Variants in BNC1 observed in about 807,000 individuals in gnomAD.
The protein encoded by BNC1 is basonuclin zinc finger protein 1, also known as zinc finger protein basonuclin-1.
Under a neutral mutation model 66.5 loss-of-function variants are expected in BNC1, and 8 were observed. The observed-to-expected ratio is 0.12, with a 90% CI of 0.07 to 0.22. The LOEUF (loss-of-function observed/expected upper bound fraction) is 0.22. Ranked by LOEUF, BNC1 falls within the 10% of genes least tolerant of loss-of-function variation. The pLI is 1.00. For missense variants in BNC1, 1,069 were observed against 1,241.3 expected (o/e 0.86, Z 2.09); for synonymous variants, 454 against 452.6 (o/e 1.00, Z -0.04).
In BNC1 at chr15:83,256,587, AAC is replaced by A. The variant is rs1162260893; in HGVS notation, c.*853_*854del. 1 of 152,284 alleles carries A rather than the reference AAC, an allele frequency of 6.6e-6. No homozygotes were observed. The highest frequency in any genetic ancestry group is 1.9e-4 in the East Asian group (1 of 5,196). The allele number at this position is 152,284 out of a possible 1,614,324, so 9.4% of individuals were successfully genotyped here. A position where few individuals can be genotyped will look rare whatever the true frequency, so the allele number is the denominator to read the frequency against. On this transcript the variant is annotated 3_prime_UTR_variant, in exon 5 of 5. Transcript: ENST00000345382. ...ATTCATTCCACAGGTGACCAAAAAGAACAGAGTTTGAAGTTCACCAAATGAAA... is the reference window on the plus strand; with the variant it reads ...ATTCATTCCACAGGTGACCAAAAAGAAGAGTTTGAAGTTCACCAAATGAAA...
At chr15:83,268,290 T>C (rs943083459) in intron 1 of BNC1, 58 bp from the exon 2 acceptor site, 65 of 1,446,526 alleles carry the variant, frequency 4.5e-5, no homozygotes, top group African/African-American at 2.7e-4. Flanking sequence ...GAAACATTCA[T>C]TGTATTTCAA....
chr15:83,284,606 C>A lies in BNC1; in HGVS notation c.23G>T (p.Arg8Leu). 2 of 1,008,670 alleles carry A rather than the reference C, an allele frequency of 2.0e-6. No individual in the cohort carries two copies. Among genetic ancestry groups the A allele is most frequent in the Non-Finnish European group, 2.4e-6 (2 of 847,142 alleles). The allele number at this position is 1,008,670 out of a possible 1,614,324, so 62.5% of individuals were successfully genotyped here. A position where few individuals can be genotyped will look rare whatever the true frequency, so the allele number is the denominator to read the frequency against. MRRRPPS[R>L]GGRGAARARE... ...GGCCCGGGCCGCCCCGCGTCCGCCCCGGCTCGGCGGGCGCCGCCGCATCCA... is the reference window on the plus strand; with the variant it reads ...GGCCCGGGCCGCCCCGCGTCCGCCCAGGCTCGGCGGGCGCCGCCGCATCCA... The change falls in exon 1 of 5, where the codon CGG becomes CTG. Residue 8 changes from arginine (R) to leucine (L), a missense_variant. Arg to Leu is a moderately radical substitution (Grantham distance 102). Around this residue, in one of 7 missense-constraint regions of BNC1, gnomAD observed 78 missense variants for 80.9 expected, o/e 0.96. Coordinates refer to ENST00000345382, the MANE Select transcript of BNC1 (RefSeq NM_001717.4).
intron 1 of BNC1, among the ~76,000 whole-genome samples, chr15:83,272,758 G>A (rs748986001): frequency 6.6e-6 from 1 of 152,274 alleles, no homozygotes; most frequent in Non-Finnish European, 1.5e-5. Flanking sequence ...ACATTTCATA[G>A]ATTAATACTG....
At chr15:83,265,881 T>TA (rs1472483138) in intron 3 of BNC1, among the ~76,000 whole-genome samples, 1 of 152,190 alleles carries the variant, frequency 6.6e-6, no homozygotes, top group African/African-American at 2.4e-5. Context: ...AAATTGTTTT[T>TA]AGTGTTCATT....
At position 83,263,963 on chromosome 15, in the gene BNC1, G is replaced by C. The variant is rs1306544834; in HGVS notation, c.1288C>G (p.Leu430Val). Residue 430 changes from leucine (L) to valine (V), a missense_variant, in exon 4 of 5, where the codon CTG becomes GTG. Physicochemically the swap from Leu to Val is conservative, Grantham distance 32. Transcript: ENST00000345382. Reference protein sequence around the residue: ...NNRDKDLRNSLNLASSENYKC... With the variant: ...NNRDKDLRNSVNLASSENYKC... ...TAGTTCTCAGAGCTGGCCAGGTTCA[G>C]GCTGTTCCTGAGGTCTTTGTCCCGG... 1.2e-6 allele frequency: 2 copies of C among 1,614,206 alleles called. No homozygotes were observed. Among genetic ancestry groups the C allele is most frequent in the Admixed American group, 1.7e-5 (1 of 60,024 alleles).
rs1399642616 is a variant in BNC1 at position 83,257,906 on chromosome 15, T to G, written c.2521A>C (p.Ser841Arg). The change falls in exon 5 of 5, where the codon AGC becomes CGC. Residue 841 changes from serine (S) to arginine (R), a missense_variant. This residue lies in a region of BNC1 where 657 missense variants were observed against 715.8 expected (regional missense o/e 0.92). Coordinates refer to ENST00000345382, the MANE Select transcript of BNC1 (RefSeq NM_001717.4). The part of the protein sequence containing the change: ...VYPITQVHSA[S>R]LESYNSGPLS... ...GGGCCAGAGTTGTAGCTCTCCAGGCTGGCACTGTGGACTTGCGTTATTGGG... is the reference window on the plus strand; with the variant it reads ...GGGCCAGAGTTGTAGCTCTCCAGGCGGGCACTGTGGACTTGCGTTATTGGG... The G allele has an allele frequency of 6.2e-7, 1 of 1,614,212 alleles. No individual in the cohort carries two copies. Among genetic ancestry groups the G allele is most frequent in the Admixed American group, 1.7e-5 (1 of 60,028 alleles).
rs541650843 is a variant in BNC1 at position 83,256,836 on chromosome 15, G to C, written c.*606C>G. 1 of 152,214 alleles carries C rather than the reference G, an allele frequency of 6.6e-6. No individual in the cohort carries two copies. The highest frequency in any genetic ancestry group is 2.4e-5 in the African/African-American group (1 of 41,426). The allele number at this position is 152,214 out of a possible 1,614,324, so 9.4% of individuals were successfully genotyped here. A position where few individuals can be genotyped will look rare whatever the true frequency, so the allele number is the denominator to read the frequency against. The stretch of plus-strand genomic sequence containing the variant: ...ATGTTACAGAACAAGAATTAACAAG[G>C]AACATGTTAGAGGCCAACCCAATCC... On this transcript the variant is annotated 3_prime_UTR_variant, in exon 5 of 5. Transcript: ENST00000345382.
intron 1 of BNC1, among the ~76,000 whole-genome samples, chr15:83,276,967 T>C (rs2038329121): frequency 6.6e-6 from 1 of 152,204 alleles, no homozygotes; most frequent in Admixed American, 6.5e-5. Context: ...TCTAAGGCTA[T>C]GCCAGATTCT....
intron 1 of BNC1, among the ~76,000 whole-genome samples, chr15:83,284,278 C>T (rs912910996): frequency 1.1e-4 from 17 of 152,074 alleles, no homozygotes; most frequent in African/African-American, 3.9e-4. Flanking sequence ...AGATCCGGCG[C>T]GGAGACCGTT....
intron 4 of BNC1, among the ~76,000 whole-genome samples, chr15:83,258,599 A>C: frequency 6.6e-6 from 1 of 152,202 alleles, no homozygotes; most frequent in East Asian, 1.9e-4. Context: ...CAGAATGACT[A>C]GACTAAATCA....
Position 83,257,530 on chromosome 15 carries a change from A to T in BNC1, c.2897T>A (p.Met966Lys), listed in dbSNP as rs748491453. The T allele has an allele frequency of 6.2e-7, 1 of 1,614,032 alleles. No homozygotes were observed. Among genetic ancestry groups the T allele is most frequent in the African/African-American group, 1.3e-5 (1 of 74,916 alleles). The change falls in exon 5 of 5, where the codon ATG becomes AAG. Residue 966 changes from methionine to lysine, a missense_variant. Met to Lys is a moderately conservative substitution (Grantham distance 95). Around this residue, in one of 7 missense-constraint regions of BNC1, gnomAD observed 657 missense variants for 715.8 expected, o/e 0.92. Coordinates refer to ENST00000345382, the MANE Select transcript of BNC1 (RefSeq NM_001717.4). ...HKCKVPGCNT[M>K]FSSVRSRNRH... ...GTTTCGACTGCGAACAGACGAAAAC[A>T]TGGTGTTGCAGCCTGGTACTTTGCA... is the stretch of plus-strand genomic sequence containing the variant.
In BNC1 at chr15:83,257,802, G is replaced by A; in HGVS notation, c.2625C>T (p.Asp875=). 2 of 1,614,160 alleles carry A rather than the reference G, an allele frequency of 1.2e-6. No homozygotes were observed. The change falls in exon 5 of 5, where the codon GAC becomes GAT. Residue 875 remains aspartate, a synonymous_variant. Coordinates refer to ENST00000345382, the MANE Select transcript of BNC1 (RefSeq NM_001717.4). ...KSESSSHSSW[D]SDGVSEEGTV... ...TGCCTTCCTCACTCACCCCGTCAGAGTCCCAGGAAGAATGGCTGCTACTCT... is the reference window on the plus strand; with the variant it reads ...TGCCTTCCTCACTCACCCCGTCAGAATCCCAGGAAGAATGGCTGCTACTCT...
At chr15:83,262,045 G>GTTTTTT (rs5814139) in intron 4 of BNC1, among the ~76,000 whole-genome samples, 5 of 110,534 alleles carry the variant, frequency 4.5e-5, no homozygotes, top group Non-Finnish European at 7.1e-5. Flanking sequence ...ACTAGTTCAT[G>GTTTTTT]TTTTTTTTTT....
Position 83,263,167 on chromosome 15 carries a change from G to C in BNC1, c.2084C>G (p.Pro695Arg). ...SALSNRGMAFPCLEDSKELEH... is the reference protein window; with the variant it reads ...SALSNRGMAFRCLEDSKELEH... ...CAGTTCTTTAGAATCTTCAAGACAA[G>C]GAAAAGCCATTCCCCTGTTGGACAA... The change falls in exon 4 of 5, where the codon CCT (proline) becomes CGT (arginine). Residue 695 changes from proline to arginine, a missense_variant. By Grantham distance (103) the Pro-to-Arg change is moderately radical. Around this residue, in one of 7 missense-constraint regions of BNC1, gnomAD observed 657 missense variants for 715.8 expected, o/e 0.92. Coordinates refer to ENST00000345382, the MANE Select transcript of BNC1 (RefSeq NM_001717.4). 1 of 1,614,198 alleles carries C rather than the reference G, an allele frequency of 6.2e-7. No homozygotes were observed. Among genetic ancestry groups the C allele is most frequent in the Non-Finnish European group, 8.5e-7 (1 of 1,180,042 alleles).
Position 83,274,212 on chromosome 15 carries a change from G to A in BNC1, c.100-5980C>T, listed in dbSNP as rs539051152. Among the ~76,000 whole-genome samples the A allele has an allele frequency of 7.9e-5, 12 of 152,220 alleles. No individual in the cohort carries two copies. The South Asian group carries it at 1.2e-3, about 16-fold the overall frequency. ...ATCCTGGCTAACACGGCAAAACCCC[G>A]TCTCTACTAAACAATACAAAAAATT... On this transcript the variant is annotated intron_variant, in intron 1 of 4. Transcript: ENST00000345382.
rs1251204544 is a variant in BNC1, at chr15:83,262,959, G to A, written c.2292C>T (p.Ser764=). The A allele has an allele frequency of 6.2e-7, 1 of 1,606,170 alleles. No homozygotes were observed. The highest frequency in any genetic ancestry group is 8.5e-7 in the Non-Finnish European group (1 of 1,175,462). ...GCNATFPSRR[S]RDRHSSNLNL... Reference sequence around the variant, plus strand: ...GCCTACAGATGCCTTACCTGTCTCTGCTCCTGCGGGAGGGAAAGGTAGCAT... The same window carrying A: ...GCCTACAGATGCCTTACCTGTCTCTACTCCTGCGGGAGGGAAAGGTAGCAT... The change falls in exon 4 of 5, where the codon AGC becomes AGT. Residue 764 remains serine, a synonymous_variant. Coordinates refer to ENST00000345382, the MANE Select transcript of BNC1 (RefSeq NM_001717.4).
At chr15:83,280,165 T>C (rs760502865) in intron 1 of BNC1, among the ~76,000 whole-genome samples, 12 of 152,218 alleles carry the variant, frequency 7.9e-5, no homozygotes, top group Admixed American at 1.3e-4. Context: ...ATGCAAACAC[T>C]ACCTTAAAAG....
intron 1 of BNC1, among the ~76,000 whole-genome samples, chr15:83,276,032 T>C (rs1228568531): frequency 6.6e-6 from 1 of 152,172 alleles, no homozygotes; most frequent in African/African-American, 2.4e-5. Context: ...CCTCAACCTA[T>C]GTCTTACTTC....
chr15:83,282,071 C>G (rs1211597330), intron 1 of BNC1, among the ~76,000 whole-genome samples: 1 of 152,236 alleles, frequency 6.6e-6, no homozygotes, highest in Non-Finnish European at 1.5e-5. Context: ...GAACTTTAAC[C>G]ACTTTCTGAA....
Sources: allele counts gnomAD v4.1 joint callset (sites outside exome capture counted in the v4.1 genomes callset), GRCh38; gene constraint gnomAD v4.1.1; regional missense constraint gnomAD v4.1.1; transcripts MANE v1.5; gene names NCBI Gene and HGNC (gene_info 2026-07-23, HGNC 2026-07-21).